UGT2B7: variants seen among roughly 807,000 people sequenced by gnomAD.
The protein encoded by UGT2B7 is UDP glucuronosyltransferase family 2 member B7, also known as UDP-glucuronosyltransferase 2B7.
A neutral mutation model predicts 51.9 loss-of-function variants in UGT2B7; 51 were observed. The ratio of observed to expected loss-of-function variants is 0.98; its 90% CI spans 0.78 to 1.24. The LOEUF (loss-of-function observed/expected upper bound fraction) is 1.24, where lower values mean the gene tolerates loss of function less well. Among genes scored for constraint, UGT2B7 ranks in the 50% most tolerant of loss-of-function variants. The pLI, the probability that UGT2B7 is intolerant of heterozygous loss-of-function variation, is 0.00. For synonymous variants in UGT2B7, 225 were observed against 211.6 expected (o/e 1.06, Z -0.55); for missense variants, 727 against 628.4 (o/e 1.16, Z -1.68).
At chr4:69,053,487 AG>A (rs577422545) in intron 1 of UGT2B7, among the ~76,000 whole-genome samples, 2 of 152,246 alleles carry the variant, frequency 1.3e-5, no homozygotes, top group South Asian at 2.1e-4. Context: ...GGCAGGCCAG[AG>A]GCCCTAATTG....
chr4:69,070,966 C>A (rs1485100099), intron 1 of UGT2B7, among the ~76,000 whole-genome samples: 2 of 152,078 alleles, frequency 1.3e-5, no homozygotes, highest in Non-Finnish European at 1.5e-5. Context: ...TCTAGATGGT[C>A]ATAACTGGCT....
chr4:69,069,886 T>C (rs545637810), intron 1 of UGT2B7: 2 of 152,050 alleles, frequency 1.3e-5, no homozygotes, highest in African/African-American at 4.8e-5. Flanking sequence ...GAAAAGAGAG[T>C]ACATCTTTTT....
At chr4:69,082,796 A>G (rs1206477055) in intron 1 of UGT2B7, among the ~76,000 whole-genome samples, 2 of 152,162 alleles carry the variant, frequency 1.3e-5, no homozygotes, top group Non-Finnish European at 2.9e-5. Context: ...ACACTAAACA[A>G]CAGAATTTGA....
chr4:69,064,561 G>T (rs574667148), intron 1 of UGT2B7, among the ~76,000 whole-genome samples: 3 of 152,136 alleles, frequency 2.0e-5, no homozygotes, highest in African/African-American at 7.2e-5. Context: ...GTGTAATCCC[G>T]AGTTATGAAC....
intron 1 of UGT2B7, among the ~76,000 whole-genome samples, chr4:69,068,104 A>G (rs1289227309): frequency 6.6e-6 from 1 of 152,076 alleles, no homozygotes; most frequent in Non-Finnish European, 1.5e-5. Flanking sequence ...AAACAAATAA[A>G]CATATTCATG....
chr4:69,061,335 C>A lies in UGT2B7; in HGVS notation c.-159+9733C>A, dbSNP rs139923090. ...TACGGCTCCTGGATGTGGTATGGGC[C>A]CCCAAACAGGTAGCAGTAATGCACT... On this transcript the variant is annotated intron_variant, in intron 1 of 5. Transcript: ENST00000502942. Among the ~76,000 whole-genome samples the A allele has an allele frequency of 1.8e-3, 267 of 152,252 alleles. 2 individuals are homozygous for A. Among genetic ancestry groups the A allele is most frequent in the African/African-American group, 6.3e-3 (260 of 41,552 alleles).
At chr4:69,102,760 C>T (rs756264493) in intron 2 of UGT2B7, 47 bp from the exon 3 acceptor site, 21 of 1,588,376 alleles carry the variant, frequency 1.3e-5, no homozygotes, top group South Asian at 1.0e-4. Context: ...TGGTAGTGCC[C>T]GCTGTGCTAA....
rs371556722 is a variant in UGT2B7, at chr4:69,110,274, A to G, written c.1310+1952A>G. On this transcript the variant is annotated intron_variant, in intron 5 of 5. Coordinates refer to ENST00000305231, the MANE Select transcript of UGT2B7 (RefSeq NM_001074.4). ...AATAAATCAAGATTTAGTACATATA[A>G]TAAGGTTCAATATCATAAAGACTAT... is the stretch of plus-strand genomic sequence containing the variant. Among the ~76,000 whole-genome samples the G allele has an allele frequency of 1.4e-3, 216 of 152,224 alleles. 2 individuals carry two copies. The highest frequency in any genetic ancestry group is 4.9e-3 in the African/African-American group (203 of 41,566).
intron 1 of UGT2B7, among the ~76,000 whole-genome samples, chr4:69,064,239 C>T (rs1452752580): frequency 1.3e-5 from 2 of 152,200 alleles, no homozygotes; most frequent in Non-Finnish European, 2.9e-5. Flanking sequence ...CCTGATACTA[C>T]TGTCTAAAAA....
chr4:69,059,437 G>T (rs1044068715), intron 1 of UGT2B7, among the ~76,000 whole-genome samples: 1 of 152,202 alleles, frequency 6.6e-6, no homozygotes, highest in Non-Finnish European at 1.5e-5. Flanking sequence ...ACAAGGGAAT[G>T]TAACTTTAAA....
At chr4:69,083,161 C>G (rs1718874238) in intron 1 of UGT2B7, among the ~76,000 whole-genome samples, 1 of 152,026 alleles carries the variant, frequency 6.6e-6, no homozygotes, top group Non-Finnish European at 1.5e-5. Context: ...CAAAATATTA[C>G]TGCTTAATGA....
intron 3 of UGT2B7, among the ~76,000 whole-genome samples, chr4:69,105,263 T>C (rs1719560292): frequency 1.0e-5 from 1 of 98,350 alleles, no homozygotes; most frequent in Non-Finnish European, 2.2e-5. Context: ...CTATAAAATA[T>C]AGTAGAAATA....
At chr4:69,097,384 C>T (rs1719276602) in intron 1 of UGT2B7, 143 bp downstream of exon 1, 1 of 1,036,490 alleles carries the variant, frequency 9.6e-7, no homozygotes, top group East Asian at 2.8e-5. Flanking sequence ...ATCTATTAAT[C>T]TCACAAATAT....
At chr4:69,052,730 G>A (rs1012892825) in intron 1 of UGT2B7, among the ~76,000 whole-genome samples, 6 of 151,954 alleles carry the variant, frequency 3.9e-5, no homozygotes, top group Non-Finnish European at 7.4e-5. Context: ...AGTGGAAGTC[G>A]TGAAAAAAAG....
chr4:69,097,231 TG>T lies in UGT2B7; in HGVS notation c.712del (p.Glu238LysfsTer3), dbSNP rs759006419. The T allele has an allele frequency of 5.0e-6, 8 of 1,608,568 alleles. No homozygotes were observed. In the East Asian group the frequency reaches 1.6e-4, roughly 31 times the overall value. ...TGAAGAAGTGGGATCAGTTTTATAG[TG>T]AAGTTCTAGGTAAGTATTTTTTTCA... ...DMKKWDQFYSEVLGRPTTLSE... is the reference protein window; with the variant it reads ...DMKKWDQFYSXVLGRPTTLSE... On this transcript the variant is annotated frameshift_variant, in exon 1 of 6. Coordinates refer to ENST00000305231, the MANE Select transcript of UGT2B7 (RefSeq NM_001074.4). LOFTEE classifies it high-confidence loss of function.
At position 69,098,804 on chromosome 4, in the gene UGT2B7, G is replaced by A. The variant is rs1465952251; in HGVS notation, c.870+116G>A. 3.3e-6 allele frequency: 5 copies of A among 1,513,490 alleles called. No individual in the cohort carries two copies. In the South Asian group the frequency reaches 3.8e-5, roughly 12 times the overall value. The allele number at this position is 1,513,490 out of a possible 1,614,324, so 93.8% of individuals were successfully genotyped here. On this transcript the variant is annotated intron_variant, in intron 2 of 5. Transcript: ENST00000305231. ...CTGAAAGAAAGATGGGAAATGGGTG[G>A]GGTAAAGCAGATACCAATTAGAAAC...
chr4:69,098,399 C>T, intron 1 of UGT2B7, 141 bp from the exon 2 acceptor site: 1 of 838,712 alleles, frequency 1.2e-6, no homozygotes, highest in African/African-American at 1.8e-5. Context: ...TAAATTATAT[C>T]TATATATGAA....
chr4:69,075,391 C>G (rs1718681303), intron 1 of UGT2B7, among the ~76,000 whole-genome samples: 1 of 152,062 alleles, frequency 6.6e-6, no homozygotes, highest in African/African-American at 2.4e-5. Flanking sequence ...ATACCTTTTC[C>G]TCTCTTTCTC....
chr4:69,070,769 G>T (rs1718583490), intron 1 of UGT2B7, among the ~76,000 whole-genome samples: 2 of 152,062 alleles, frequency 1.3e-5, no homozygotes, highest in Non-Finnish European at 2.9e-5. Context: ...CAAAGCCTCA[G>T]CATGAAGGCT....
Sources: allele counts gnomAD v4.1 joint callset (sites outside exome capture counted in the v4.1 genomes callset), GRCh38; gene constraint gnomAD v4.1.1; transcripts MANE v1.5; gene names NCBI Gene and HGNC (gene_info 2026-07-23, HGNC 2026-07-21).